DIS3L2: variants seen among roughly 807,000 people sequenced by gnomAD.
DIS3L2 encodes the protein DIS3-like exonuclease 2.
A neutral mutation model predicts 97.5 loss-of-function variants in DIS3L2; 34 were observed. The ratio of observed to expected loss-of-function variants is 0.35; its 90% CI spans 0.27 to 0.46. The LOEUF is 0.46. Ranked by LOEUF, DIS3L2 falls within the 20% of genes least tolerant of loss-of-function variation. DIS3L2 has a pLI of 1.00. For synonymous variants in DIS3L2, 435 were observed against 445.2 expected, an observed-to-expected ratio of 0.98 and a Z score of 0.29; for missense variants, 1,038 against 1,146.0, an observed-to-expected ratio of 0.91 and a Z score of 1.36.
rs1311330890 is a variant in DIS3L2, at chr2:232,218,284, C to T, written c.1204+7879C>T. Among the ~76,000 whole-genome samples the T allele has an allele frequency of 2.6e-5, 4 of 152,306 alleles. No homozygotes were observed. In the East Asian group the frequency reaches 7.7e-4, roughly 29 times the overall value. ...CACATATATGTCCATGTCATGTGCA[C>T]ATCACAGATAGTATAGAGAACTGAC... On this transcript the variant is annotated intron_variant, in intron 10 of 20. Coordinates refer to ENST00000325385, the MANE Select transcript of DIS3L2 (RefSeq NM_152383.5).
intron 1 of DIS3L2, among the ~76,000 whole-genome samples, chr2:231,969,917 G>A (rs1692844432): frequency 6.7e-6 from 1 of 150,334 alleles, no homozygotes; most frequent in Middle Eastern, 3.4e-3. Context: ...GTTTTGTTAA[G>A]TGCTTTTTCT....
intron 6 of DIS3L2, among the ~76,000 whole-genome samples, chr2:232,104,949 G>A (rs1170009937): frequency 1.3e-5 from 2 of 151,996 alleles, no homozygotes; most frequent in Non-Finnish European, 2.9e-5. Flanking sequence ...TCCTGGAGTA[G>A]CTGGGACTAC....
intron 6 of DIS3L2, among the ~76,000 whole-genome samples, chr2:232,118,078 C>T (rs1390685601): frequency 6.6e-6 from 1 of 152,172 alleles, no homozygotes; most frequent in Non-Finnish European, 1.5e-5. Context: ...CTTGTGGGCT[C>T]TTGGACTGAT....
intron 5 of DIS3L2, among the ~76,000 whole-genome samples, chr2:232,065,839 C>G (rs1314466245): frequency 6.6e-6 from 1 of 151,806 alleles, no homozygotes; most frequent in Non-Finnish European, 1.5e-5. Context: ...TTTCTTTTGA[C>G]AGGATTTTGT....
chr2:232,148,442 G>A (rs1027078317), intron 8 of DIS3L2, among the ~76,000 whole-genome samples: 2 of 152,086 alleles, frequency 1.3e-5, no homozygotes, highest in African/African-American at 4.8e-5. Context: ...AAGCTGTCCA[G>A]TCTATGCTGC....
intron 8 of DIS3L2, among the ~76,000 whole-genome samples, chr2:232,142,624 C>A (rs1379350029): frequency 6.6e-6 from 1 of 152,128 alleles, no homozygotes; most frequent in Non-Finnish European, 1.5e-5. Flanking sequence ...TTGACTCTTA[C>A]TTCTTTTCTC....
chr2:232,315,225 C>T (rs1028261478), intron 14 of DIS3L2, among the ~76,000 whole-genome samples: 2 of 152,172 alleles, frequency 1.3e-5, no homozygotes, highest in South Asian at 2.1e-4. Flanking sequence ...ACCCCCATAC[C>T]GGTGTGCTGG....
At chr2:231,971,640 G>T (rs1298493943) in intron 1 of DIS3L2, among the ~76,000 whole-genome samples, 1 of 152,064 alleles carries the variant, frequency 6.6e-6, no homozygotes, top group East Asian at 2.0e-4. Context: ...GTAGAGACGG[G>T]TTTCACCGTG....
chr2:231,994,037 T>C lies in DIS3L2; in HGVS notation c.-93-20798T>C, dbSNP rs9789539. On this transcript the variant is annotated intron_variant, in intron 1 of 20. Coordinates refer to ENST00000325385, the MANE Select transcript of DIS3L2 (RefSeq NM_152383.5). The stretch of plus-strand genomic sequence containing the variant: ...AGATCTGGGATCCATTTTGAGTTAA[T>C]TTTTATATATGGTCTGAGGCAAAGG... 2.0e-5 allele frequency among the ~76,000 whole-genome samples: 3 copies of C among 151,982 alleles called. No homozygotes were observed. The East Asian group carries it at 5.8e-4, about 29-fold the overall frequency.
chr2:232,326,442 C>T (rs1695578316), intron 14 of DIS3L2, among the ~76,000 whole-genome samples: 1 of 152,220 alleles, frequency 6.6e-6, no homozygotes, highest in African/African-American at 2.4e-5. Context: ...TGGGGACCCA[C>T]CTTCCAGCCA....
chr2:232,130,130 A>G (rs1349966064), intron 6 of DIS3L2, among the ~76,000 whole-genome samples: 1 of 152,208 alleles, frequency 6.6e-6, no homozygotes, highest in Non-Finnish European at 1.5e-5. Context: ...TTGGGTTTTT[A>G]AATTTATTTA....
At chr2:232,052,491 A>G (rs1294495961) in intron 5 of DIS3L2, among the ~76,000 whole-genome samples, 2 of 152,126 alleles carry the variant, frequency 1.3e-5, no homozygotes, top group Admixed American at 1.3e-4. Context: ...TACCAATTAC[A>G]TTCTTATTCC....
Position 232,086,659 on chromosome 2 carries a change from A to ATATG in DIS3L2, c.367-827_367-826insATGT, listed in dbSNP as rs1553606035. On this transcript the variant is annotated intron_variant, in intron 5 of 20. Coordinates refer to ENST00000325385, the MANE Select transcript of DIS3L2 (RefSeq NM_152383.5). ...TATATATATATGTATATATATATATATGTGTGTGTGTGTGTGTGTATATAT... is the reference window on the plus strand; with the variant it reads ...TATATATATATGTATATATATATATATATGTGTGTGTGTGTGTGTGTGTATATAT... Among the ~76,000 whole-genome samples, 49 of 92,488 alleles carry ATATG rather than the reference A, an allele frequency of 5.3e-4. 3 individuals carry two copies. The highest frequency in any genetic ancestry group is 1.8e-3 in the African/African-American group (41 of 22,726). The allele number at this position is 92,488 out of a possible 152,430, so 60.7% of individuals were successfully genotyped here.
intron 6 of DIS3L2, among the ~76,000 whole-genome samples, chr2:232,103,160 A>G (rs1697254546): frequency 6.6e-6 from 1 of 152,134 alleles, no homozygotes; most frequent in Admixed American, 6.5e-5. Flanking sequence ...ATTATTTCTA[A>G]TAATTTTGTA....
chr2:232,319,903 G>A (rs1695377806), intron 14 of DIS3L2, among the ~76,000 whole-genome samples: 1 of 152,240 alleles, frequency 6.6e-6, no homozygotes, highest in African/African-American at 2.4e-5. Flanking sequence ...AAAGGACTCA[G>A]GGCCTAATCC....
chr2:232,157,100 T>G (rs181220242), intron 8 of DIS3L2, among the ~76,000 whole-genome samples: 1 of 152,234 alleles, frequency 6.6e-6, no homozygotes, highest in African/African-American at 2.4e-5. Context: ...AAGTTTTTTT[T>G]GGGAAGGAAA....
chr2:232,142,549 T>C (rs1375498122), intron 8 of DIS3L2, among the ~76,000 whole-genome samples: 3 of 152,336 alleles, frequency 2.0e-5, no homozygotes, highest in East Asian at 3.9e-4. Context: ...TCCTCTTTGC[T>C]TTCTTCATAT....
At chr2:231,984,366 C>T (rs527929792) in intron 1 of DIS3L2, among the ~76,000 whole-genome samples, 8 of 148,762 alleles carry the variant, frequency 5.4e-5, no homozygotes, top group African/African-American at 1.2e-4. Flanking sequence ...GTGGCGTGAT[C>T]TGGGCTCACT....
At position 232,336,939 on chromosome 2, in the gene DIS3L2, A is replaced by C. The variant is rs1695977465; in HGVS notation, c.*309A>C. On this transcript the variant is annotated 3_prime_UTR_variant, in exon 21 of 21. Transcript: ENST00000325385. Reference sequence around the variant, plus strand: ...GCCCAGGAAATGGGGGGGTTTCAGCAACTCAGTGTCACAGAATAAAATCAA... The same window carrying C: ...GCCCAGGAAATGGGGGGGTTTCAGCCACTCAGTGTCACAGAATAAAATCAA... The C allele has an allele frequency of 2.5e-6, 3 of 1,203,542 alleles. No individual in the cohort carries two copies. The highest frequency in any genetic ancestry group is 3.1e-6 in the Non-Finnish European group (3 of 962,230). The allele number at this position is 1,203,542 out of a possible 1,614,324, so 74.6% of individuals were successfully genotyped here.
Sources: gnomAD v4.1 joint callset for allele counts (sites outside exome capture counted in the v4.1 genomes callset) on GRCh38, gnomAD v4.1.1 for gene constraint, MANE v1.5 for transcripts, NCBI Gene and HGNC (gene_info 2026-07-23, HGNC 2026-07-21) for gene names.